Variants in PTPRD observed in about 807,000 individuals in gnomAD.
PTPRD encodes protein tyrosine phosphatase receptor type D.
In PTPRD, 34 loss-of-function variants were observed where a neutral mutation model predicts 214.5. The ratio of observed to expected loss-of-function variants is 0.16; its 90% CI spans 0.12 to 0.21. PTPRD has a LOEUF of 0.21. Ranked by LOEUF, PTPRD falls within the 10% of genes least tolerant of loss-of-function variation. PTPRD has a pLI of 1.00. For missense variants in PTPRD, 2,545 were observed against 2,398.7 expected, an observed-to-expected ratio of 1.06 and a Z score of -1.27; for synonymous variants, 1,128 against 845.7, an observed-to-expected ratio of 1.33 and a Z score of -5.79.
intron 7 of PTPRD, among the ~76,000 whole-genome samples, chr9:9,632,092 T>C (rs929373955): frequency 2.0e-5 from 3 of 152,178 alleles, no homozygotes; most frequent in Non-Finnish European, 2.9e-5. Context: ...ACATGAAAAC[T>C]TGTATGTGTA....
chr9:8,604,303 G>C (rs1273862421), intron 14 of PTPRD, among the ~76,000 whole-genome samples: 1 of 152,300 alleles, frequency 6.6e-6, no homozygotes, highest in African/African-American at 2.4e-5. Context: ...AAAATAGCCA[G>C]GGAAGTAATA....
At chr9:8,752,759 C>T (rs1298450161) in intron 11 of PTPRD, among the ~76,000 whole-genome samples, 6 of 152,074 alleles carry the variant, frequency 3.9e-5, no homozygotes, top group Non-Finnish European at 2.9e-5. Flanking sequence ...CAGCTGGTTG[C>T]AGACTCAAGA....
chr9:8,446,153 G>T (rs547038041), intron 34 of PTPRD, among the ~76,000 whole-genome samples: 2 of 152,164 alleles, frequency 1.3e-5, no homozygotes, highest in Non-Finnish European at 2.9e-5. Flanking sequence ...GCTGAGCAAC[G>T]GTGGATGGAA....
intron 5 of PTPRD, among the ~76,000 whole-genome samples, chr9:9,874,302 T>C (rs539566029): frequency 1.3e-5 from 2 of 152,294 alleles, no homozygotes; most frequent in East Asian, 3.9e-4. Flanking sequence ...GATCTAATTT[T>C]TGATTATATA....
chr9:9,167,564 G>A (rs1027428852), intron 10 of PTPRD, among the ~76,000 whole-genome samples: 1 of 152,002 alleles, frequency 6.6e-6, no homozygotes, highest in Non-Finnish European at 1.5e-5. Flanking sequence ...AGACCAGCCT[G>A]ATCAACATGG....
At chr9:9,170,760 A>G (rs1377448345) in intron 10 of PTPRD, among the ~76,000 whole-genome samples, 1 of 152,230 alleles carries the variant, frequency 6.6e-6, no homozygotes, top group Non-Finnish European at 1.5e-5. Context: ...CATCCAACCT[A>G]GAGAAACAAG....
At chr9:9,669,282 G>A (rs1160673809) in intron 7 of PTPRD, among the ~76,000 whole-genome samples, 1 of 152,076 alleles carries the variant, frequency 6.6e-6, no homozygotes, top group Non-Finnish European at 1.5e-5. Flanking sequence ...AGATACACAA[G>A]GAACACAACA....
intron 11 of PTPRD, among the ~76,000 whole-genome samples, chr9:8,770,735 CTT>C (rs1430385541): frequency 1.3e-5 from 2 of 152,046 alleles, no homozygotes; most frequent in East Asian, 3.9e-4. Flanking sequence ...TATCTGAAGT[CTT>C]TTCCAAAAAA....
At chr9:9,713,163 G>T (rs1053573527) in intron 7 of PTPRD, among the ~76,000 whole-genome samples, 1 of 152,106 alleles carries the variant, frequency 6.6e-6, no homozygotes, top group African/African-American at 2.4e-5. Flanking sequence ...TCACAGTCTT[G>T]CAGCTTATTT....
intron 2 of PTPRD, among the ~76,000 whole-genome samples, chr9:10,584,945 C>G (rs1404082508): frequency 4.6e-5 from 7 of 152,058 alleles, no homozygotes; most frequent in Non-Finnish European, 1.0e-4. Context: ...ACTCTCAGGC[C>G]AAAAATTGCA....
At chr9:8,456,138 T>C (rs753222304) in intron 33 of PTPRD, among the ~76,000 whole-genome samples, 29 of 152,192 alleles carry the variant, frequency 1.9e-4, no homozygotes, top group Non-Finnish European at 3.8e-4. Flanking sequence ...AATATTTTTG[T>C]GTGCCAGGCA....
chr9:8,430,792 C>T lies in PTPRD; in HGVS notation c.4086+5800G>A, dbSNP rs1364021020. Among the ~76,000 whole-genome samples, 4 of 152,128 alleles carry T rather than the reference C, an allele frequency of 2.6e-5. No homozygotes were observed. The East Asian group carries it at 7.7e-4, about 29-fold the overall frequency. Reference sequence around the variant, plus strand: ...TGATAAAATGCACTTCACTCCTCTTCCTAGTTCCACTAAGAGTGCCATCTT... The same window carrying T: ...TGATAAAATGCACTTCACTCCTCTTTCTAGTTCCACTAAGAGTGCCATCTT... On this transcript the variant is annotated intron_variant, in intron 35 of 45. Coordinates refer to ENST00000381196, the MANE Select transcript of PTPRD (RefSeq NM_002839.4).
At chr9:9,930,937 C>T (rs1471440649) in intron 5 of PTPRD, among the ~76,000 whole-genome samples, 1 of 151,964 alleles carries the variant, frequency 6.6e-6, no homozygotes, top group Non-Finnish European at 1.5e-5. Context: ...ACTACCATGA[C>T]TCTCCCGAAT....
intron 6 of PTPRD, among the ~76,000 whole-genome samples, chr9:9,742,243 T>C (rs1434870433): frequency 6.6e-6 from 1 of 152,158 alleles, no homozygotes; most frequent in Non-Finnish European, 1.5e-5. Flanking sequence ...TAAAATTGGC[T>C]GAGAAACTTA....
chr9:8,451,183 C>A (rs1297733532), intron 33 of PTPRD, among the ~76,000 whole-genome samples: 1 of 152,146 alleles, frequency 6.6e-6, no homozygotes, highest in Non-Finnish European at 1.5e-5. Flanking sequence ...ATGATTTGCT[C>A]AAGTGCAGTG....
intron 11 of PTPRD, among the ~76,000 whole-genome samples, chr9:8,888,543 A>G (rs533053691): frequency 6.6e-6 from 1 of 152,360 alleles, no homozygotes; most frequent in South Asian, 2.1e-4. Flanking sequence ...TGTGAAACCA[A>G]AATTCATAAG....
At chr9:10,262,787 A>G (rs2093782820) in intron 3 of PTPRD, among the ~76,000 whole-genome samples, 1 of 152,160 alleles carries the variant, frequency 6.6e-6, no homozygotes, top group Admixed American at 6.5e-5. Context: ...CTGTATCCAC[A>G]CATTTGCACA....
chr9:8,644,623 T>A (rs1320018500), intron 12 of PTPRD, among the ~76,000 whole-genome samples: 1 of 152,168 alleles, frequency 6.6e-6, no homozygotes. Context: ...TTCCTGTTGT[T>A]TCCAAGTTTC....
chr9:8,836,131 G>A (rs544027213), intron 11 of PTPRD, among the ~76,000 whole-genome samples: 17 of 152,252 alleles, frequency 1.1e-4, no homozygotes, highest in African/African-American at 3.9e-4. Context: ...ATGTGCTGCT[G>A]TATGCTCTAT....
Sources: allele counts gnomAD v4.1 joint callset (sites outside exome capture counted in the v4.1 genomes callset), GRCh38; gene constraint gnomAD v4.1.1; transcripts MANE v1.5; gene names NCBI Gene and HGNC (gene_info 2026-07-23, HGNC 2026-07-21).